The following NCKAP1L variants were observed in gnomAD, a reference collection of about 807,000 sequenced individuals.
NCKAP1L encodes the protein nck-associated protein 1-like.
In NCKAP1L, 53 loss-of-function variants were observed where a neutral mutation model predicts 139.2. That is an observed-to-expected ratio of 0.38 (90% CI 0.31 to 0.48). The LOEUF (loss-of-function observed/expected upper bound fraction) is 0.48, where lower values mean the gene tolerates loss of function less well. NCKAP1L is among the 20% of genes least tolerant of loss of function. NCKAP1L has a pLI of 0.98. For missense variants in NCKAP1L, 1,151 were observed against 1,381.9 expected, an observed-to-expected ratio of 0.83 and a Z score of 2.65; for synonymous variants, 468 against 499.7, an observed-to-expected ratio of 0.94 and a Z score of 0.85.
chr12:54,507,949 G>A (rs922699999), intron 4 of NCKAP1L, 40 bp downstream of exon 4: 3 of 1,586,366 alleles, frequency 1.9e-6, no homozygotes, highest in Middle Eastern at 1.7e-4. Flanking sequence ...TAGAGTCAAA[G>A]AAAAGGCCAG....
At chr12:54,537,859 TA>T (rs1246666454) in intron 29 of NCKAP1L, among the ~76,000 whole-genome samples, 1 of 151,992 alleles carries the variant, frequency 6.6e-6, no homozygotes, top group East Asian at 1.9e-4. Context: ...TCCAATTTCT[TA>T]AAAAAAATGT....
At position 54,542,844 on chromosome 12, in the gene NCKAP1L, CCAG is replaced by C. The variant is rs1489324044; in HGVS notation, c.*160_*162del. 1.7e-6 allele frequency: 1 copy of C among 571,946 alleles called. No individual in the cohort carries two copies. Among genetic ancestry groups the C allele is most frequent in the African/African-American group, 1.9e-5 (1 of 53,616 alleles). The allele number at this position is 571,946 out of a possible 1,614,324, so 35.4% of individuals were successfully genotyped here. On this transcript the variant is annotated 3_prime_UTR_variant, in exon 31 of 31. Coordinates refer to ENST00000293373, the MANE Select transcript of NCKAP1L (RefSeq NM_005337.5). Reference sequence around the variant, plus strand: ...ATGAGCAGATCTGTGGAAGAACAATCCAGGGCTGAGAAATCGTAGAGCAGTGAG... The same window carrying C: ...ATGAGCAGATCTGTGGAAGAACAATCGGCTGAGAAATCGTAGAGCAGTGAG...
At chr12:54,541,976 G>A (rs779579538) in intron 30 of NCKAP1L, among the ~76,000 whole-genome samples, 2 of 151,750 alleles carry the variant, frequency 1.3e-5, no homozygotes, top group Non-Finnish European at 2.9e-5. Flanking sequence ...TCTTCTCCGG[G>A]CATCTTGATC....
intron 3 of NCKAP1L, among the ~76,000 whole-genome samples, chr12:54,506,380 C>G (rs1956839100): frequency 6.6e-6 from 1 of 151,826 alleles, no homozygotes; most frequent in South Asian, 2.1e-4. Flanking sequence ...TATCATTGAA[C>G]ATCTTTTCAT....
Position 54,542,594 on chromosome 12 carries a change from T to C in NCKAP1L, c.3293T>C (p.Phe1098Ser). The C allele has an allele frequency of 6.2e-7, 1 of 1,614,104 alleles. No individual in the cohort carries two copies. Among genetic ancestry groups the C allele is most frequent in the South Asian group, 1.1e-5 (1 of 91,082 alleles). The change falls in exon 31 of 31, where the codon TTC becomes TCC. Residue 1098 changes from phenylalanine to serine, a missense_variant. Phe to Ser is a radical substitution (Grantham distance 155). Coordinates refer to ENST00000293373, the MANE Select transcript of NCKAP1L (RefSeq NM_005337.5). ...LMRLVVEESSFLTLDMLESCF... is the reference protein window; with the variant it reads ...LMRLVVEESSSLTLDMLESCF... Reference sequence around the variant, plus strand: ...TTTCAGGTGGTGGAGGAGTCATCCTTCCTGACCCTGGACATGCTGGAGTCC... The same window carrying C: ...TTTCAGGTGGTGGAGGAGTCATCCTCCCTGACCCTGGACATGCTGGAGTCC...
chr12:54,516,718 T>TTACA (rs1385175875), intron 10 of NCKAP1L, among the ~76,000 whole-genome samples, 178 bp from the exon 11 acceptor site: 1 of 152,200 alleles, frequency 6.6e-6, no homozygotes, highest in African/African-American at 2.4e-5. Flanking sequence ...CGTGCTGGAA[T>TTACA]TACAGGCAAG....
chr12:54,503,024 C>CAA (rs1956813108), intron 3 of NCKAP1L, among the ~76,000 whole-genome samples: 1 of 145,814 alleles, frequency 6.9e-6, no homozygotes, highest in Admixed American at 6.9e-5. Flanking sequence ...AAAAAAGAAA[C>CAA]AAAACCCCAC....
rs1161601617 is a variant in NCKAP1L at position 54,523,975 on chromosome 12, C to T, written c.2156+19C>T. The T allele has an allele frequency of 6.2e-7, 1 of 1,610,520 alleles. No homozygotes were observed. Among genetic ancestry groups the T allele is most frequent in the Admixed American group, 1.7e-5 (1 of 59,862 alleles). ...TCAACAGGTATCACTCTTTCCTTGT[C>T]CTCTGTTTGGACAGTAGTCTTCATA... On this transcript the variant is annotated intron_variant, in intron 20 of 30. Coordinates refer to ENST00000293373, the MANE Select transcript of NCKAP1L (RefSeq NM_005337.5).
rs753247434 is a variant in NCKAP1L, at chr12:54,497,908, G to T, written c.102+17G>T. Reference sequence around the variant, plus strand: ...ATCAAGAAGGTAAGCATGAACAATGGGACTAGTACTGATTATTCCAACAAT... The same window carrying T: ...ATCAAGAAGGTAAGCATGAACAATGTGACTAGTACTGATTATTCCAACAAT... On this transcript the variant is annotated intron_variant, in intron 1 of 30. Transcript: ENST00000293373. 2.7e-6 allele frequency: 4 copies of T among 1,475,674 alleles called. No homozygotes were observed. The highest frequency in any genetic ancestry group is 3.8e-6 in the Non-Finnish European group (4 of 1,053,932). 91.4% of individuals were successfully genotyped at this position (1,475,674 alleles called of 1,614,324 possible). A position where few individuals can be genotyped will look rare whatever the true frequency, so the allele number is the denominator to read the frequency against.
intron 2 of NCKAP1L, among the ~76,000 whole-genome samples, chr12:54,499,737 T>G (rs1288609041): frequency 6.6e-6 from 1 of 152,198 alleles, no homozygotes; most frequent in Non-Finnish European, 1.5e-5. Flanking sequence ...ATTGTTTTTG[T>G]ACAAGACAGC....
chr12:54,535,161 C>T lies in NCKAP1L; in HGVS notation c.2920C>T (p.Pro974Ser), dbSNP rs1409407621. The stretch of plus-strand genomic sequence containing the variant: ...TGCAGGTGTGGGCTGTGACATTGAC[C>T]CAGCCTTGGTGGCTGCCATTGCTAA... ...SAAGVGCDIDPALVAAIANLK... is the reference protein window; with the variant it reads ...SAAGVGCDIDSALVAAIANLK... Residue 974 changes from proline (P) to serine (S), a missense_variant, in exon 27 of 31, where the codon CCA becomes TCA. Physicochemically the swap from Pro to Ser is moderately conservative, Grantham distance 74 (BLOSUM62 -1). Transcript: ENST00000293373. 2.5e-6 allele frequency: 4 copies of T among 1,613,478 alleles called. No individual in the cohort carries two copies. The highest frequency in any genetic ancestry group is 3.4e-6 in the Non-Finnish European group (4 of 1,179,760).
chr12:54,500,510 G>A lies in NCKAP1L; in HGVS notation c.214-23G>A, dbSNP rs539659582. ...TTGTCTTATTTTGCACTTTTTTATT[G>A]TTTTGTTTTGTGTTTCTCTCAGCAA... On this transcript the variant is annotated intron_variant, in intron 2 of 30. Transcript: ENST00000293373. The A allele has an allele frequency of 5.2e-6, 8 of 1,540,260 alleles. No individual in the cohort carries two copies. In the Admixed American group the frequency reaches 6.7e-5, roughly 13 times the overall value.
Position 54,526,631 on chromosome 12 carries a change from C to G in NCKAP1L, c.2260C>G (p.Leu754Val), listed in dbSNP as rs752882591. ...AGCATACATTGGTTTCATACAGTCACTGGCCCAGTTTTTGGGTGCAGATGC... is the reference window on the plus strand; with the variant it reads ...AGCATACATTGGTTTCATACAGTCAGTGGCCCAGTTTTTGGGTGCAGATGC... ...VKAYIGFIQS[L>V]AQFLGADASR... Residue 754 changes from leucine to valine, a missense_variant, in exon 21 of 31, where the codon CTG becomes GTG. Coordinates refer to ENST00000293373, the MANE Select transcript of NCKAP1L (RefSeq NM_005337.5). The G allele has an allele frequency of 6.2e-7, 1 of 1,614,156 alleles. No individual in the cohort carries two copies. Among genetic ancestry groups the G allele is most frequent in the South Asian group, 1.1e-5 (1 of 91,082 alleles).
At chr12:54,515,368 C>T (rs1455507420) in intron 9 of NCKAP1L, among the ~76,000 whole-genome samples, 3 of 152,140 alleles carry the variant, frequency 2.0e-5, no homozygotes, top group African/African-American at 7.2e-5. Context: ...ATGTAAGGAA[C>T]ATAGAGAGCA....
intron 7 of NCKAP1L, chr12:54,510,406 C>A: frequency 5.0e-6 from 2 of 403,042 alleles, no homozygotes; most frequent in Admixed American, 2.7e-5. Flanking sequence ...TTACTGCAGC[C>A]TCCACCTCCT....
chr12:54,506,505 C>A (rs1956839783), intron 3 of NCKAP1L, among the ~76,000 whole-genome samples: 2 of 151,826 alleles, frequency 1.3e-5, no homozygotes, highest in Non-Finnish European at 1.5e-5. Context: ...CAGCTTACTG[C>A]AACCTCTGCC....
chr12:54,499,255 C>T (rs1036624780), intron 1 of NCKAP1L, 100 bp from the exon 2 acceptor site: 10 of 723,940 alleles, frequency 1.4e-5, no homozygotes, highest in African/African-American at 1.1e-4. Flanking sequence ...TCCCAGGTTG[C>T]CTTTTCCTAA....
In NCKAP1L at chr12:54,545,935, A is replaced by G. The variant is rs1434126410; in HGVS notation, c.*3250A>G. On this transcript the variant is annotated 3_prime_UTR_variant, in exon 31 of 31. Transcript: ENST00000293373. ...TCCAGTTGGCAGGTGGGCCAGCTTC[A>G]AAGTGCAGAAGGAACTGGGTGTGGT... 2.6e-5 allele frequency: 4 copies of G among 152,230 alleles called. No homozygotes were observed. Among genetic ancestry groups the G allele is most frequent in the Admixed American group, 2.6e-4 (4 of 15,278 alleles). 9.4% of individuals were successfully genotyped at this position (152,230 alleles called of 1,614,324 possible).
At chr12:54,530,560 G>A (rs1055931058) in intron 22 of NCKAP1L, among the ~76,000 whole-genome samples, 4 of 152,192 alleles carry the variant, frequency 2.6e-5, no homozygotes, top group Admixed American at 6.5e-5. Flanking sequence ...GAAGTAAAGG[G>A]AAAAACATAC....
Sources: gnomAD v4.1 joint callset for allele counts (sites outside exome capture counted in the v4.1 genomes callset) on GRCh38, gnomAD v4.1.1 for gene constraint, MANE v1.5 for transcripts, NCBI Gene and HGNC (gene_info 2026-07-23, HGNC 2026-07-21) for gene names.